KDM8: variants seen among roughly 807,000 people sequenced by gnomAD.
KDM8 encodes the protein lysine demethylase 8, also known as bifunctional peptidase and arginyl-hydroxylase JMJD5.
A neutral mutation model predicts 46.9 loss-of-function variants in KDM8; 35 were observed. That is an observed-to-expected ratio of 0.75 (90% CI 0.57 to 0.99). The LOEUF is 0.99. Ranked by LOEUF, KDM8 falls within the 50% of genes least tolerant of loss-of-function variation. The pLI is 0.00. For missense variants in KDM8, 475 were observed against 537.0 expected, an observed-to-expected ratio of 0.88 and a Z score of 1.14; for synonymous variants, 232 against 227.7, an observed-to-expected ratio of 1.02 and a Z score of -0.17.
intron 1 of KDM8, among the ~76,000 whole-genome samples, chr16:27,205,114 C>G (rs1326873805): frequency 6.6e-6 from 1 of 152,188 alleles, no homozygotes; most frequent in Non-Finnish European, 1.5e-5. Context: ...CTACCAGGGA[C>G]CTACTTTGCC....
At chr16:27,211,329 C>T in intron 2 of KDM8, 1 of 400,562 alleles carries the variant, frequency 2.5e-6, no homozygotes, top group African/African-American at 2.1e-5. Context: ...CTCTCTGCTC[C>T]TGGGTTTGGA....
intron 1 of KDM8, chr16:27,204,401 C>A: frequency 1.7e-6 from 2 of 1,199,902 alleles, no homozygotes; most frequent in East Asian, 3.2e-5. Flanking sequence ...CCAAAGGGAT[C>A]CCTGTGCCAT....
chr16:27,214,597 G>A (rs1256618528), intron 3 of KDM8: 2 of 400,314 alleles, frequency 5.0e-6, no homozygotes, highest in East Asian at 8.2e-5. Flanking sequence ...AGAAAGAAGT[G>A]AGGAGGCTGT....
chr16:27,220,779 T>A lies in KDM8; in HGVS notation c.*49T>A, dbSNP rs2083614292. 6.2e-7 allele frequency: 1 copy of A among 1,600,630 alleles called. No individual in the cohort carries two copies. Among genetic ancestry groups the A allele is most frequent in the African/African-American group, 1.3e-5 (1 of 74,644 alleles). On this transcript the variant is annotated 3_prime_UTR_variant, in exon 8 of 8. Coordinates refer to ENST00000286096, the MANE Select transcript of KDM8 (RefSeq NM_024773.3). ...TGACATGCAGACAGCATTCATCTGT[T>A]CACTAATTTCCTGGGTCCTGGAATC...
Position 27,210,119 on chromosome 16 carries a change from G to A in KDM8, c.-5G>A. The A allele has an allele frequency of 6.2e-7, 1 of 1,610,308 alleles. No homozygotes were observed. Among genetic ancestry groups the A allele is most frequent in the Non-Finnish European group, 8.5e-7 (1 of 1,178,512 alleles). ...CACGGGACTGAACCAGCTGGTGGTGGCCCGATGGCTGGAGACACCCACTGC... is the reference window on the plus strand; with the variant it reads ...CACGGGACTGAACCAGCTGGTGGTGACCCGATGGCTGGAGACACCCACTGC... On this transcript the variant is annotated 5_prime_UTR_variant, in exon 2 of 8. Coordinates refer to ENST00000286096, the MANE Select transcript of KDM8 (RefSeq NM_024773.3).
rs755677326 is a variant in KDM8 at position 27,213,648 on chromosome 16, C to T, written c.562C>T (p.His188Tyr). ...VKLEKTVPRLHRPSLQHFREQ... is the reference protein window; with the variant it reads ...VKLEKTVPRLYRPSLQHFREQ... ...GTTAGAAAAAACAGTCCCCCGGCTGCACCGTCCGTCCCTCCAGCATTTCAG... is the reference window on the plus strand; with the variant it reads ...GTTAGAAAAAACAGTCCCCCGGCTGTACCGTCCGTCCCTCCAGCATTTCAG... The change falls in exon 3 of 8, where the codon CAC (histidine) becomes TAC (tyrosine). Residue 188 changes from histidine to tyrosine, a missense_variant. Physicochemically the swap from His to Tyr is moderately conservative, Grantham distance 83 (BLOSUM62 2). Transcript: ENST00000286096. The T allele has an allele frequency of 6.8e-6, 11 of 1,614,218 alleles. No individual in the cohort carries two copies. Among genetic ancestry groups the T allele is most frequent in the Non-Finnish European group, 9.3e-6 (11 of 1,180,036 alleles).
chr16:27,218,812 A>C, intron 5 of KDM8, 149 bp from the exon 6 acceptor site: 1 of 870,078 alleles, frequency 1.1e-6, no homozygotes, highest in Non-Finnish European at 1.8e-6. Flanking sequence ...ACGCCACTGC[A>C]CTCCAGCCTG....
chr16:27,209,899 C>T (rs2083463561), intron 1 of KDM8, among the ~76,000 whole-genome samples, 194 bp from the exon 2 acceptor site: 1 of 152,206 alleles, frequency 6.6e-6, no homozygotes, highest in South Asian at 2.1e-4. Context: ...TTGCTGAGTA[C>T]CAGGTGTTGC....
At chr16:27,206,212 A>G (rs2083426813) in intron 1 of KDM8, 1 of 983,352 alleles carries the variant, frequency 1.0e-6, no homozygotes, top group Non-Finnish European at 1.2e-6. Flanking sequence ...CACACATCTT[A>G]TTCTTGACTC....
intron 1 of KDM8, among the ~76,000 whole-genome samples, chr16:27,209,754 G>C (rs986001604): frequency 1.1e-4 from 16 of 152,200 alleles, no homozygotes; most frequent in Non-Finnish European, 1.9e-4. Flanking sequence ...GGAGAGTCTT[G>C]GCAGGCCTCA....
At position 27,215,118 on chromosome 16, in the gene KDM8, T is replaced by G. The variant is rs1187067441; in HGVS notation, c.798+110T>G. On this transcript the variant is annotated intron_variant, in intron 4 of 7. Coordinates refer to ENST00000286096, the MANE Select transcript of KDM8 (RefSeq NM_024773.3). ...ATGGGAGGTTTTGGAGGAGCCAGGC[T>G]GTAAGTCTGTGGTCGGAGGGACGAC... 4 of 1,282,444 alleles carry G rather than the reference T, an allele frequency of 3.1e-6. No individual in the cohort carries two copies. The East Asian group carries it at 9.4e-5, about 30-fold the overall frequency. The allele number at this position is 1,282,444 out of a possible 1,614,324, so 79.4% of individuals were successfully genotyped here.
chr16:27,210,687 G>A (rs533310942), intron 2 of KDM8, 66 bp downstream of exon 2: 128 of 1,454,704 alleles, frequency 8.8e-5, no homozygotes, highest in African/African-American at 8.2e-4. Context: ...TAGAAATTCC[G>A]AGTCATCTCT....
chr16:27,210,012 T>G, intron 1 of KDM8, 81 bp from the exon 2 acceptor site: 38 of 1,400,206 alleles, frequency 2.7e-5, no homozygotes, highest in Non-Finnish European at 3.6e-5. Flanking sequence ...TCCTCGCAGA[T>G]GAGATGCAGG....
intron 1 of KDM8, among the ~76,000 whole-genome samples, chr16:27,207,677 C>T (rs866693832): frequency 6.6e-6 from 1 of 152,230 alleles, no homozygotes. Flanking sequence ...AACTCCTGAG[C>T]TCAAGCAATC....
rs540237875 is a variant in KDM8, at chr16:27,215,838, G to A, written c.799-107G>A. ...AGGACCACTCAGGATGGAGTGGAAG[G>A]GTGACGGGTGCTGCAGCTGGGGCCA... is the stretch of plus-strand genomic sequence containing the variant. On this transcript the variant is annotated intron_variant, in intron 4 of 7. Transcript: ENST00000286096. The A allele has an allele frequency of 3.2e-5, 37 of 1,146,318 alleles. No individual in the cohort carries two copies. The African/African-American group carries it at 5.1e-4, about 16-fold the overall frequency. 71.0% of individuals were successfully genotyped at this position (1,146,318 alleles called of 1,614,324 possible).
intron 1 of KDM8, among the ~76,000 whole-genome samples, chr16:27,205,664 C>T (rs1379270823): frequency 6.6e-6 from 1 of 152,126 alleles, no homozygotes; most frequent in African/African-American, 2.4e-5. Flanking sequence ...AGAGTGAAAC[C>T]CCGTCTCTAC....
intron 1 of KDM8, among the ~76,000 whole-genome samples, chr16:27,207,979 C>T (rs944903860): frequency 1.3e-5 from 2 of 152,232 alleles, no homozygotes; most frequent in African/African-American, 2.4e-5. Context: ...TACAGCCATC[C>T]TGAAGCCTCT....
chr16:27,218,938 C>G (rs2140976078), intron 5 of KDM8, 23 bp from the exon 6 acceptor site: 1 of 1,613,832 alleles, frequency 6.2e-7, no homozygotes, highest in East Asian at 2.2e-5. Context: ...CCCCACATCT[C>G]ATGTCTGCTC....
chr16:27,205,937 A>G (rs935939848), intron 1 of KDM8, among the ~76,000 whole-genome samples: 4 of 152,186 alleles, frequency 2.6e-5, no homozygotes. Context: ...TGAAGATACG[A>G]GGCCACTCAG....
Sources: gnomAD v4.1 joint callset for allele counts (sites outside exome capture counted in the v4.1 genomes callset) on GRCh38, gnomAD v4.1.1 for gene constraint, MANE v1.5 for transcripts, NCBI Gene and HGNC (gene_info 2026-07-23, HGNC 2026-07-21) for gene names.